Variants in HCN3 observed in about 807,000 individuals in gnomAD.
HCN3 encodes hyperpolarization activated cyclic nucleotide gated potassium channel 3.
Under a neutral mutation model 56.8 loss-of-function variants are expected in HCN3, and 36 were observed. That is an observed-to-expected ratio of 0.63 (90% CI 0.49 to 0.84). The LOEUF (loss-of-function observed/expected upper bound fraction) is 0.84, where lower values mean the gene tolerates loss of function less well. Among genes scored for constraint, HCN3 ranks in the 40% least tolerant of loss-of-function variants. The probability of loss-of-function intolerance (pLI) is 0.00; values close to 1 mark genes in which losing one functional copy is unlikely to be tolerated. For synonymous variants in HCN3, 425 were observed against 439.7 expected, an observed-to-expected ratio of 0.97 and a Z score of 0.42; for missense variants, 930 against 1,079.3, an observed-to-expected ratio of 0.86 and a Z score of 1.94.
rs904771953 is a variant in HCN3 at position 155,277,671 on chromosome 1, C to T, written c.81C>T (p.Pro27=). Residue 27 remains proline (P), a synonymous_variant, in exon 1 of 8, where the codon CCC becomes CCT. Transcript: ENST00000368358. ...PGLEAVPPVA[P]PPATAASGPI... is the part of the protein sequence containing the mutation. ...TGGAGGCGGTGCCTCCCGTTGCTCC[C>T]CCGCCTGCGACCGCGGCCTCAGGTC... The T allele has an allele frequency of 2.6e-6, 4 of 1,557,178 alleles. No individual in the cohort carries two copies. The highest frequency in any genetic ancestry group is 3.5e-6 in the Non-Finnish European group (4 of 1,151,588).
In HCN3 at chr1:155,287,335, T is replaced by C; in HGVS notation, c.1640T>C (p.Ile547Thr). Residue 547 changes from isoleucine (I) to threonine (T), a missense_variant and splice_region_variant, in exon 7 of 8, where the codon ATC becomes ACC. By Grantham distance (89) the Ile-to-Thr change is moderately conservative. Transcript: ENST00000368358. Reference protein sequence around the residue: ...ETVAMDRLLRIGKKNSILQRK... With the variant: ...ETVAMDRLLRTGKKNSILQRK... ...GTGGCCATGGATCGGCTGCTCCGCA[T>C]CGGTGAGACCTGTCCACCCCATCTG... 1.9e-6 allele frequency: 3 copies of C among 1,613,838 alleles called. No individual in the cohort carries two copies. The highest frequency in any genetic ancestry group is 2.5e-6 in the Non-Finnish European group (3 of 1,179,910).
At position 155,277,777 on chromosome 1, in the gene HCN3, C is replaced by T; in HGVS notation, c.187C>T (p.Arg63Trp). The T allele has an allele frequency of 1.2e-6, 2 of 1,610,828 alleles. No homozygotes were observed. The highest frequency in any genetic ancestry group is 1.7e-6 in the Non-Finnish European group (2 of 1,179,114). The change falls in exon 1 of 8, where the codon CGG becomes TGG. Residue 63 changes from arginine to tryptophan, a missense_variant. Transcript: ENST00000368358. ...GCCTACGGTCAACAAGTTCTCCCTTCGGGTGTTCGGCAGCCACAAAGCAGT... is the reference window on the plus strand; with the variant it reads ...GCCTACGGTCAACAAGTTCTCCCTTTGGGTGTTCGGCAGCCACAAAGCAGT... ...LQPTVNKFSL[R>W]VFGSHKAVEI...
At position 155,282,381 on chromosome 1, in the gene HCN3, G is replaced by A. The variant is rs1328766547; in HGVS notation, c.279-30G>A. ...TAGTGGCTGGTGAAATATCCTCATGGTCTTACTCCTCATCTCACTCCCACC... is the reference window on the plus strand; with the variant it reads ...TAGTGGCTGGTGAAATATCCTCATGATCTTACTCCTCATCTCACTCCCACC... On this transcript the variant is annotated intron_variant, in intron 1 of 7. Coordinates refer to ENST00000368358, the MANE Select transcript of HCN3 (RefSeq NM_020897.3). This position sits in a 1 kb window ranked among gnomAD's most constrained non-coding sequence, Gnocchi z 4.7. The A allele has an allele frequency of 2.5e-6, 4 of 1,605,874 alleles. No individual in the cohort carries two copies. In the East Asian group the frequency reaches 8.9e-5, roughly 36 times the overall value.
chr1:155,282,786 G>A lies in HCN3; in HGVS notation c.654G>A (p.Leu218=). 4 of 1,613,466 alleles carry A rather than the reference G, an allele frequency of 2.5e-6. No homozygotes were observed. In the South Asian group the frequency reaches 4.4e-5, roughly 18 times the overall value. Residue 218 remains leucine (L), a synonymous_variant, in exon 2 of 8, where the codon CTG becomes CTA. Transcript: ENST00000368358. The surrounding 1 kb of genome is among the most constrained non-coding windows in gnomAD (Gnocchi z 4.7). ...TTCGCTTCACCAAGATCCTAAGCCT[G>A]CTGAGGCTGCTCCGCCTCTCCCGCC... The part of the protein sequence containing the change: ...RIVRFTKILS[L]LRLLRLSRLI...
intron 1 of HCN3, among the ~76,000 whole-genome samples, chr1:155,280,806 G>A (rs1442198815): frequency 7.8e-6 from 1 of 128,522 alleles, no homozygotes; most frequent in Non-Finnish European, 1.6e-5. Context: ...CCAGGCTGGA[G>A]TGCAATGGCG....
chr1:155,285,806 T>A lies in HCN3; in HGVS notation c.1319T>A (p.Val440Asp). ...AHADPSFVTA[V>D]LTKLRFEVFQ... ...GCCGACCCCAGCTTCGTCACTGCAG[T>A]TCTCACCAAGCTGCGCTTTGAGGTC... The change falls in exon 6 of 8, where the codon GTT becomes GAT. Residue 440 changes from valine (V) to aspartate (D), a missense_variant. Physicochemically the swap from Val to Asp is radical, Grantham distance 152 (BLOSUM62 -3). Transcript: ENST00000368358. This position sits in a 1 kb window ranked among gnomAD's most constrained non-coding sequence, Gnocchi z 4.5. The A allele has an allele frequency of 6.2e-7, 1 of 1,614,184 alleles. No individual in the cohort carries two copies. Among genetic ancestry groups the A allele is most frequent in the Non-Finnish European group, 8.5e-7 (1 of 1,180,012 alleles).
At chr1:155,286,764 T>C (rs1463833204) in intron 6 of HCN3, among the ~76,000 whole-genome samples, 1 of 149,924 alleles carries the variant, frequency 6.7e-6, no homozygotes, top group Non-Finnish European at 1.5e-5. Context: ...TCTTTGATAC[T>C]GCTTTTCTCC....
intron 1 of HCN3, chr1:155,278,231 T>C (rs987463499): frequency 6.7e-6 from 2 of 299,660 alleles, no homozygotes; most frequent in African/African-American, 2.1e-5. Context: ...TAGGAAATTA[T>C]ATTCTAAGTA....
At position 155,289,266 on chromosome 1, in the gene HCN3, A is replaced by G. The variant is rs1201661912; in HGVS notation, c.*803A>G. 1 of 152,298 alleles carries G rather than the reference A, an allele frequency of 6.6e-6. No homozygotes were observed. Among genetic ancestry groups the G allele is most frequent in the African/African-American group, 2.4e-5 (1 of 41,442 alleles). The allele number at this position is 152,298 out of a possible 1,614,324, so 9.4% of individuals were successfully genotyped here. ...GGGCAAATGGCTGAATCCTTGTGTG[A>G]TATTTTTTTCTTCGCTTGTTTATTT... On this transcript the variant is annotated 3_prime_UTR_variant, in exon 8 of 8. Transcript: ENST00000368358.
chr1:155,281,369 T>G (rs1674042540), intron 1 of HCN3, among the ~76,000 whole-genome samples: 1 of 151,354 alleles, frequency 6.6e-6, no homozygotes, highest in Non-Finnish European at 1.5e-5. Context: ...ACACCTGGCC[T>G]TCTTCTTTTT....
At chr1:155,286,887 A>G (rs1192750203) in intron 6 of HCN3, among the ~76,000 whole-genome samples, 13 of 151,928 alleles carry the variant, frequency 8.6e-5, no homozygotes, top group Non-Finnish European at 1.6e-4. Context: ...GTTAAAGTGG[A>G]GTGGAATCAC....
intron 1 of HCN3, among the ~76,000 whole-genome samples, chr1:155,280,581 C>T (rs1386634035): frequency 4.7e-5 from 7 of 148,996 alleles, no homozygotes; most frequent in South Asian, 2.1e-4. Flanking sequence ...GGACTACGGG[C>T]GCCCGCCACC....
chr1:155,283,396 ATATTAT>A (rs552776912), intron 2 of HCN3, among the ~76,000 whole-genome samples: 3 of 151,536 alleles, frequency 2.0e-5, no homozygotes, highest in African/African-American at 4.9e-5. Flanking sequence ...CCACTATTAT[ATATTAT>A]TATTATTATT....
At chr1:155,281,101 C>T (rs1195133023) in intron 1 of HCN3, among the ~76,000 whole-genome samples, 6 of 139,050 alleles carry the variant, frequency 4.3e-5, no homozygotes, top group South Asian at 2.3e-4. Flanking sequence ...GATGGAGTCT[C>T]GCTCTGTCAC....
At chr1:155,278,866 C>T (rs1287656889) in intron 1 of HCN3, among the ~76,000 whole-genome samples, 1 of 152,196 alleles carries the variant, frequency 6.6e-6, no homozygotes, top group African/African-American at 2.4e-5. Context: ...AGTTCACTCG[C>T]AGACGGATCC....
rs116867045 is a variant in HCN3 at position 155,284,344 on chromosome 1, G to A, written c.871-195G>A. 1,943 of 826,332 alleles carry A rather than the reference G, an allele frequency of 2.4e-3. 49 individuals carry two copies. In the East Asian group the frequency reaches 0.046, roughly 20 times the overall value. 51.2% of individuals were successfully genotyped at this position (826,332 alleles called of 1,614,324 possible). On this transcript the variant is annotated intron_variant, in intron 3 of 7. Coordinates refer to ENST00000368358, the MANE Select transcript of HCN3 (RefSeq NM_020897.3). This position sits in a 1 kb window ranked among gnomAD's most constrained non-coding sequence, Gnocchi z 4.3. ...GCAGGCAAAGGAAGGGTACCTACCC[G>A]GAAGCTGAGGCCCCCAAGTTGCAAT...
chr1:155,282,811 C>G lies in HCN3; in HGVS notation c.679C>G (p.Leu227Val). The change falls in exon 2 of 8, where the codon CTC becomes GTC. Residue 227 changes from leucine to valine, a missense_variant. Leu to Val is a conservative substitution (Grantham distance 32, BLOSUM62 1). Coordinates refer to ENST00000368358, the MANE Select transcript of HCN3 (RefSeq NM_020897.3). The surrounding 1 kb of genome is among the most constrained non-coding windows in gnomAD (Gnocchi z 4.7). ...GCTGAGGCTGCTCCGCCTCTCCCGC[C>G]TCATCCGCTACATACACCAGTGGGA... ...SLLRLLRLSR[L>V]IRYIHQWEEI... 1 of 1,612,336 alleles carries G rather than the reference C, an allele frequency of 6.2e-7. No individual in the cohort carries two copies. The highest frequency in any genetic ancestry group is 8.5e-7 in the Non-Finnish European group (1 of 1,179,302).
rs1674113149 is a variant in HCN3, at chr1:155,282,797, T to A, written c.665T>A (p.Leu222His). Reference sequence around the variant, plus strand: ...AAGATCCTAAGCCTGCTGAGGCTGCTCCGCCTCTCCCGCCTCATCCGCTAC... The same window carrying A: ...AAGATCCTAAGCCTGCTGAGGCTGCACCGCCTCTCCCGCCTCATCCGCTAC... ...FTKILSLLRL[L>H]RLSRLIRYIH... The change falls in exon 2 of 8, where the codon CTC becomes CAC. Residue 222 changes from leucine (L) to histidine (H), a missense_variant. Leu to His is a moderately conservative substitution (Grantham distance 99). Coordinates refer to ENST00000368358, the MANE Select transcript of HCN3 (RefSeq NM_020897.3). This position sits in a 1 kb window ranked among gnomAD's most constrained non-coding sequence, Gnocchi z 4.7. 2 of 1,538,588 alleles carry A rather than the reference T, an allele frequency of 1.3e-6. No homozygotes were observed. The highest frequency in any genetic ancestry group is 1.8e-6 in the Non-Finnish European group (2 of 1,135,146).
chr1:155,280,436 ATTTTTTT>A (rs58042846), intron 1 of HCN3, among the ~76,000 whole-genome samples: 1 of 131,562 alleles, frequency 7.6e-6, no homozygotes, highest in East Asian at 2.2e-4. Flanking sequence ...CACCTGGCTA[ATTTTTTT>A]TTTTTTTTTT....
Sources: allele counts gnomAD v4.1 joint callset (sites outside exome capture counted in the v4.1 genomes callset), GRCh38; gene constraint gnomAD v4.1.1; non-coding constraint Gnocchi (gnomAD v3.1); transcripts MANE v1.5; gene names NCBI Gene and HGNC (gene_info 2026-07-23, HGNC 2026-07-21).